THUMPD2: variants seen among roughly 807,000 people sequenced by gnomAD.
THUMPD2 encodes the protein THUMP domain 2 tRNA and snRNA guanosine methyltransferase, also known as U6 snRNA (guanine-N(2))-methyltransferase THUMPD2.
In THUMPD2, 56 loss-of-function variants were observed where a neutral mutation model predicts 49.4. The ratio of observed to expected loss-of-function variants is 1.13; its 90% CI spans 0.91 to 1.41. The LOEUF (loss-of-function observed/expected upper bound fraction) is 1.41, where lower values mean the gene tolerates loss of function less well. Among genes scored for constraint, THUMPD2 ranks in the 40% most tolerant of loss-of-function variants. The pLI, the probability that THUMPD2 is intolerant of heterozygous loss-of-function variation, is 0.00. For missense variants in THUMPD2, 709 were observed against 594.5 expected, an observed-to-expected ratio of 1.19 and a Z score of -2.00; for synonymous variants, 237 against 205.2, an observed-to-expected ratio of 1.15 and a Z score of -1.32.
intron 6 of THUMPD2, among the ~76,000 whole-genome samples, chr2:39,756,431 C>T (rs952756516): frequency 6.6e-6 from 1 of 151,542 alleles, no homozygotes; most frequent in South Asian, 2.1e-4. Context: ...AGAGATCGCG[C>T]CCCTGCACTC....
chr2:39,747,633 A>C (rs1479124563), intron 8 of THUMPD2, among the ~76,000 whole-genome samples: 1 of 152,188 alleles, frequency 6.6e-6, no homozygotes, highest in Non-Finnish European at 1.5e-5. Flanking sequence ...TATCTGTGCA[A>C]AATGAAATTT....
intron 4 of THUMPD2, 135 bp downstream of exon 4, chr2:39,768,289 A>G: frequency 1.4e-6 from 1 of 721,554 alleles, no homozygotes; most frequent in South Asian, 1.8e-5. Flanking sequence ...TGCTAAAGAT[A>G]AAATGGACTG....
intron 5 of THUMPD2, among the ~76,000 whole-genome samples, chr2:39,765,204 C>T (rs533726615): frequency 9.2e-5 from 14 of 152,226 alleles, no homozygotes; most frequent in South Asian, 4.1e-4. Context: ...CTGTCACCCA[C>T]GCTGGAGTGC....
At chr2:39,743,847 T>C (rs1235210072) in intron 9 of THUMPD2, among the ~76,000 whole-genome samples, 1 of 152,228 alleles carries the variant, frequency 6.6e-6, no homozygotes, top group Non-Finnish European at 1.5e-5. Context: ...GCCTCCAGTA[T>C]TCCTTCATAG....
In THUMPD2 at chr2:39,737,003, C is replaced by G. The variant is rs142751159; in HGVS notation, c.1244G>C (p.Arg415Pro). The change falls in exon 10 of 10, where the codon CGC (arginine) becomes CCC (proline). Residue 415 changes from arginine to proline, a missense_variant. Arg to Pro is a moderately radical substitution (Grantham distance 103). Transcript: ENST00000505747. ...GTTGCTCTCTTTACAATCTGTAAGG[C>G]GCCTGTGGTGATCTTCACTAAGCAA... is the stretch of plus-strand genomic sequence containing the variant. The part of the protein sequence containing the change: ...VLLLSEDHHR[R>P]LTDCKESNIP... 706 of 1,613,958 alleles carry G rather than the reference C, an allele frequency of 4.4e-4. No homozygotes were observed. Among genetic ancestry groups the G allele is most frequent in the Non-Finnish European group, 5.6e-4 (661 of 1,179,972 alleles).
chr2:39,777,969 G>C (rs1679335876), intron 1 of THUMPD2, among the ~76,000 whole-genome samples: 1 of 152,242 alleles, frequency 6.6e-6, no homozygotes, highest in East Asian at 1.9e-4. Flanking sequence ...GCACCCCTAT[G>C]TCATGGTCAT....
intron 2 of THUMPD2, among the ~76,000 whole-genome samples, chr2:39,770,606 T>A (rs1468929137): frequency 6.6e-6 from 1 of 152,102 alleles, no homozygotes; most frequent in Non-Finnish European, 1.5e-5. Context: ...TTCCATAAAG[T>A]AACTCACAAC....
intron 4 of THUMPD2, among the ~76,000 whole-genome samples, chr2:39,768,165 G>GT (rs1173894049): frequency 1.3e-5 from 2 of 152,010 alleles, no homozygotes; most frequent in African/African-American, 4.8e-5. Context: ...CATAATAAAT[G>GT]TTTTTTTCTT....
intron 3 of THUMPD2, chr2:39,768,749 G>A: frequency 5.7e-6 from 4 of 700,694 alleles, no homozygotes; most frequent in South Asian, 5.6e-5. Context: ...CTCTATCCTT[G>A]TAATTTTAGG....
At chr2:39,771,461 T>C in intron 2 of THUMPD2, 44 bp downstream of exon 2, 1 of 1,550,474 alleles carries the variant, frequency 6.4e-7, no homozygotes, top group South Asian at 1.2e-5. Flanking sequence ...TGGAGTACAA[T>C]GTATCATGTG....
At chr2:39,743,704 T>A (rs1374720189) in intron 9 of THUMPD2, among the ~76,000 whole-genome samples, 1 of 152,180 alleles carries the variant, frequency 6.6e-6, no homozygotes, top group East Asian at 1.9e-4. Context: ...CACACCGGGC[T>A]TGCCTTCTGC....
chr2:39,737,277 C>T (rs111610707), intron 9 of THUMPD2, among the ~76,000 whole-genome samples: 2 of 107,108 alleles, frequency 1.9e-5, no homozygotes, highest in African/African-American at 7.0e-5. Context: ...TCTATTTTTA[C>T]TCAAAAGGCA....
chr2:39,741,468 A>G (rs1050059655), intron 9 of THUMPD2, among the ~76,000 whole-genome samples: 2 of 152,172 alleles, frequency 1.3e-5, no homozygotes, highest in Non-Finnish European at 2.9e-5. Context: ...TCCTGAAACC[A>G]TCTCAAGCCT....
rs148410277 is a variant in THUMPD2 at position 39,750,816 on chromosome 2, C to A, written c.1078+4479G>T. On this transcript the variant is annotated intron_variant, in intron 8 of 9. Coordinates refer to ENST00000505747, the MANE Select transcript of THUMPD2 (RefSeq NM_025264.5). ...GTCAGTGATATCGCCATGGCCTTCA[C>A]AGTAGGATTGTAAATATCAACAAAT... Among the ~76,000 whole-genome samples the A allele has an allele frequency of 8.4e-3, 1,280 of 152,326 alleles. 16 individuals carry two copies. The highest frequency in any genetic ancestry group is 0.028 in the African/African-American group (1,168 of 41,572).
intron 8 of THUMPD2, among the ~76,000 whole-genome samples, chr2:39,751,594 A>G (rs900374085): frequency 6.6e-6 from 1 of 152,178 alleles, no homozygotes; most frequent in Admixed American, 6.5e-5. Flanking sequence ...CTATTTCCTA[A>G]GAAAACTTAT....
At chr2:39,763,828 C>T (rs543309279) in intron 5 of THUMPD2, among the ~76,000 whole-genome samples, 2 of 152,286 alleles carry the variant, frequency 1.3e-5, no homozygotes, top group African/African-American at 4.8e-5. Context: ...CTACCACTTT[C>T]TCTATGTCCC....
intron 5 of THUMPD2, among the ~76,000 whole-genome samples, chr2:39,761,875 T>G (rs1252107809): frequency 2.0e-5 from 3 of 152,156 alleles, no homozygotes; most frequent in Non-Finnish European, 4.4e-5. Flanking sequence ...GTAGGTTTGT[T>G]TTTTGGTTAT....
At chr2:39,772,348 A>G (rs1678448768) in intron 1 of THUMPD2, among the ~76,000 whole-genome samples, 3 of 152,234 alleles carry the variant, frequency 2.0e-5, no homozygotes, top group Admixed American at 2.0e-4. Context: ...GTCAACCATT[A>G]TAGACTTTTG....
intron 3 of THUMPD2, chr2:39,769,197 G>T (rs1677962909): frequency 1.2e-6 from 1 of 830,214 alleles, no homozygotes; most frequent in Admixed American, 3.6e-5. Flanking sequence ...GACATCTGTA[G>T]ATTTAAGGAA....
Sources: allele counts gnomAD v4.1 joint callset (sites outside exome capture counted in the v4.1 genomes callset), GRCh38; gene constraint gnomAD v4.1.1; transcripts MANE v1.5; gene names NCBI Gene and HGNC (gene_info 2026-07-23, HGNC 2026-07-21).